Variants in PDE3A observed in about 807,000 individuals in gnomAD.
The protein encoded by PDE3A is cGMP-inhibited 3',5'-cyclic phosphodiesterase 3A.
A neutral mutation model predicts 98.3 loss-of-function variants in PDE3A; 43 were observed. The ratio of observed to expected loss-of-function variants is 0.44; its 90% CI spans 0.34 to 0.56. The LOEUF is 0.56. PDE3A is among the 20% of genes least tolerant of loss of function. The probability of loss-of-function intolerance (pLI) is 0.01; values close to 1 mark genes in which losing one functional copy is unlikely to be tolerated. For synonymous variants in PDE3A, 663 were observed against 567.9 expected, an observed-to-expected ratio of 1.17 and a Z score of -2.38; for missense variants, 1,427 against 1,440.7, an observed-to-expected ratio of 0.99 and a Z score of 0.15.
intron 1 of PDE3A, among the ~76,000 whole-genome samples, chr12:20,464,492 T>A (rs117685023): frequency 4.6e-5 from 7 of 152,296 alleles, no homozygotes; most frequent in Non-Finnish European, 8.8e-5. Flanking sequence ...ATCATAATTA[T>A]CTTTTCTGTA....
intron 1 of PDE3A, among the ~76,000 whole-genome samples, chr12:20,448,563 AT>A (rs1195724640): frequency 6.6e-6 from 1 of 152,142 alleles, no homozygotes; most frequent in Non-Finnish European, 1.5e-5. Flanking sequence ...GAGTTAAGAC[AT>A]TTTAATATTA....
chr12:20,369,469 C>A lies in PDE3A; in HGVS notation c.185C>A (p.Ser62Tyr). 6.4e-7 allele frequency: 1 copy of A among 1,556,254 alleles called. No individual in the cohort carries two copies. Among genetic ancestry groups the A allele is most frequent in the Non-Finnish European group, 8.7e-7 (1 of 1,150,664 alleles). ...CCGCTCCGGAGCTCTCGGAAACTTT[C>A]CTCCGCGCTGTGCGCGGGCTCCCTG... Reference protein sequence around the residue: ...LQPLRSSRKLSSALCAGSLSF... With the variant: ...LQPLRSSRKLYSALCAGSLSF... The change falls in exon 1 of 16, where the codon TCC (serine) becomes TAC (tyrosine). Residue 62 changes from serine (S) to tyrosine (Y), a missense_variant. Ser to Tyr is a moderately radical substitution (Grantham distance 144). Coordinates refer to ENST00000359062, the MANE Select transcript of PDE3A (RefSeq NM_000921.5).
chr12:20,467,163 G>A (rs1369588007), intron 1 of PDE3A, among the ~76,000 whole-genome samples: 2 of 152,022 alleles, frequency 1.3e-5, no homozygotes, highest in Non-Finnish European at 2.9e-5. Flanking sequence ...TTAAACATGA[G>A]TTCTTAGTTA....
At chr12:20,449,936 C>A in intron 1 of PDE3A, 2 of 802,722 alleles carry the variant, frequency 2.5e-6, no homozygotes, top group South Asian at 2.2e-5. Context: ...AAGTTGATTT[C>A]GATTCTGAAG....
At chr12:20,497,774 T>G (rs1010654256) in intron 1 of PDE3A, among the ~76,000 whole-genome samples, 15 of 152,060 alleles carry the variant, frequency 9.9e-5, no homozygotes, top group Admixed American at 9.2e-4. Flanking sequence ...AATTAGAGAC[T>G]CATTGATCAA....
chr12:20,618,394 T>C (rs917364404), intron 4 of PDE3A, among the ~76,000 whole-genome samples: 3 of 149,660 alleles, frequency 2.0e-5, no homozygotes, highest in African/African-American at 7.3e-5. Flanking sequence ...TTGGGTTTCT[T>C]TGAGGAAGGA....
At chr12:20,551,476 G>A (rs1287446538) in intron 1 of PDE3A, 4 of 669,034 alleles carry the variant, frequency 6.0e-6, no homozygotes, top group Non-Finnish European at 1.0e-5. Flanking sequence ...GGGTGGTGGT[G>A]CATGGCCGTT....
At chr12:20,383,043 G>C (rs1440914030) in intron 1 of PDE3A, among the ~76,000 whole-genome samples, 1 of 151,958 alleles carries the variant, frequency 6.6e-6, no homozygotes, top group African/African-American at 2.4e-5. Context: ...ACAGTAGAAG[G>C]AGAGAGATCT....
chr12:20,571,888 C>T (rs1265143318), intron 2 of PDE3A: 3 of 1,033,406 alleles, frequency 2.9e-6, no homozygotes, highest in African/African-American at 3.5e-5. Flanking sequence ...TAGTGATTGC[C>T]ACCCATAAGT....
chr12:20,467,626 G>C (rs896956593), intron 1 of PDE3A, among the ~76,000 whole-genome samples: 2 of 151,872 alleles, frequency 1.3e-5, no homozygotes, highest in African/African-American at 4.8e-5. Flanking sequence ...AATATTTGAA[G>C]TATTTAGACA....
intron 1 of PDE3A, among the ~76,000 whole-genome samples, chr12:20,398,558 C>G (rs1489134453): frequency 1.3e-5 from 2 of 151,930 alleles, no homozygotes; most frequent in Non-Finnish European, 1.5e-5. Context: ...GCCTTGGTTT[C>G]TCTGTATTCT....
At chr12:20,513,900 T>C (rs1005871862) in intron 1 of PDE3A, among the ~76,000 whole-genome samples, 2 of 152,188 alleles carry the variant, frequency 1.3e-5, no homozygotes, top group Non-Finnish European at 2.9e-5. Context: ...CTGTTAACTT[T>C]TTTTGGCTTG....
chr12:20,393,527 TA>T (rs1429322882), intron 1 of PDE3A, among the ~76,000 whole-genome samples: 4 of 152,050 alleles, frequency 2.6e-5, no homozygotes, highest in African/African-American at 9.6e-5. Flanking sequence ...CAAAGAAAGA[TA>T]AATGTTTAAG....
At chr12:20,622,666 G>A (rs941713968) in intron 5 of PDE3A, among the ~76,000 whole-genome samples, 7 of 152,060 alleles carry the variant, frequency 4.6e-5, no homozygotes, top group African/African-American at 1.2e-4. Context: ...AGGCAAATAC[G>A]GATTTGCTCA....
At chr12:20,551,401 A>T (rs1460826510) in intron 1 of PDE3A, among the ~76,000 whole-genome samples, 2 of 152,168 alleles carry the variant, frequency 1.3e-5, no homozygotes, top group Non-Finnish European at 2.9e-5. Flanking sequence ...TAATAAAAAA[A>T]AAAAGTCTTT....
At chr12:20,589,945 T>C (rs1013018484) in intron 2 of PDE3A, among the ~76,000 whole-genome samples, 10 of 152,016 alleles carry the variant, frequency 6.6e-5, no homozygotes, top group African/African-American at 2.4e-4. Context: ...TTCAATCTTA[T>C]GCCTACACTC....
intron 1 of PDE3A, among the ~76,000 whole-genome samples, chr12:20,452,737 G>A (rs1043295740): frequency 6.6e-5 from 10 of 152,104 alleles, no homozygotes; most frequent in East Asian, 1.9e-4. Flanking sequence ...CTTTCATCAC[G>A]GGCTGTGGAT....
intron 1 of PDE3A, among the ~76,000 whole-genome samples, chr12:20,503,997 G>A (rs989323292): frequency 6.6e-5 from 10 of 152,012 alleles, no homozygotes; most frequent in Non-Finnish European, 1.2e-4. Flanking sequence ...TAAATTTAGG[G>A]ATTGTTCATA....
At chr12:20,394,083 T>A (rs1387523216) in intron 1 of PDE3A, among the ~76,000 whole-genome samples, 2 of 152,104 alleles carry the variant, frequency 1.3e-5, no homozygotes, top group Non-Finnish European at 2.9e-5. Flanking sequence ...AAAGTTCCTG[T>A]AAGGAGAAAT....
Sources: gnomAD v4.1 joint callset for allele counts (sites outside exome capture counted in the v4.1 genomes callset) on GRCh38, gnomAD v4.1.1 for gene constraint, MANE v1.5 for transcripts, NCBI Gene and HGNC (gene_info 2026-07-23, HGNC 2026-07-21) for gene names.